The following ZPBP2 variants were observed in gnomAD, a reference collection of about 807,000 sequenced individuals.
The protein encoded by ZPBP2 is zona pellucida-binding protein 2.
A neutral mutation model predicts 37.5 loss-of-function variants in ZPBP2; 34 were observed. That is an observed-to-expected ratio of 0.91 (90% CI 0.69 to 1.21). The LOEUF is 1.21. Ranked by LOEUF, ZPBP2 falls within the 50% of genes most tolerant of loss-of-function variation. The probability of loss-of-function intolerance (pLI) is 0.00; values close to 1 mark genes in which losing one functional copy is unlikely to be tolerated. For synonymous variants in ZPBP2, 143 were observed against 138.4 expected (o/e 1.03, Z -0.23); for missense variants, 397 against 413.5 (o/e 0.96, Z 0.35).
Position 39,877,489 on chromosome 17 carries a change from G to T in ZPBP2, c.*680G>T, listed in dbSNP as rs964211402. 2 of 152,086 alleles carry T rather than the reference G, an allele frequency of 1.3e-5. No homozygotes were observed. The highest frequency in any genetic ancestry group is 2.4e-5 in the African/African-American group (1 of 41,400). The allele number at this position is 152,086 out of a possible 1,614,324, so 9.4% of individuals were successfully genotyped here. On this transcript the variant is annotated 3_prime_UTR_variant, in exon 8 of 8. Coordinates refer to ENST00000348931, the MANE Select transcript of ZPBP2 (RefSeq NM_199321.3). ...AGTTCACATTAAGATTCATTGTGTT[G>T]TAAGGTTATGTGGGTTTTGACAAAT...
At chr17:39,871,357 G>A (rs917973102) in intron 3 of ZPBP2, 107 bp from the exon 4 acceptor site, 2 of 668,780 alleles carry the variant, frequency 3.0e-6, no homozygotes, top group South Asian at 6.7e-5. Context: ...TTAAAGTTGA[G>A]ATAGTTCATT....
intron 5 of ZPBP2, 149 bp downstream of exon 5, chr17:39,872,637 A>G: frequency 1.7e-6 from 1 of 583,292 alleles, no homozygotes; most frequent in Non-Finnish European, 2.9e-6. Flanking sequence ...TAGCCTGTTT[A>G]TGGTTTTAAA....
At chr17:39,868,909 C>T (rs538577048) in intron 2 of ZPBP2, among the ~76,000 whole-genome samples, 2 of 152,274 alleles carry the variant, frequency 1.3e-5, no homozygotes, top group African/African-American at 4.8e-5. Context: ...ACGCGGGAAA[C>T]CCACGCAAAG....
rs146016252 is a variant in ZPBP2, at chr17:39,875,286, C to T, written c.741C>T (p.Ser247=). 6.2e-7 allele frequency: 1 copy of T among 1,611,062 alleles called. No homozygotes were observed. Among genetic ancestry groups the T allele is most frequent in the Non-Finnish European group, 8.5e-7 (1 of 1,179,108 alleles). The change falls in exon 7 of 8, where the codon AGC becomes AGT. Residue 247 remains serine, a synonymous_variant. Transcript: ENST00000348931. ...ARDRIEDFFR[S]QAYIFYHNFN... The stretch of plus-strand genomic sequence containing the variant: ...ATCGAATAGAAGACTTTTTTCGGAG[C>T]CAAGCATATATTTTCTACCATAACT...
rs1420082946 is a variant in ZPBP2, at chr17:39,871,456, C to G, written c.245-8C>G. The G allele has an allele frequency of 1.9e-6, 3 of 1,542,538 alleles. No homozygotes were observed. The East Asian group carries it at 6.9e-5, about 35-fold the overall frequency. ...TATGTTAAATAAGTAATTTACTATT[C>G]TGTTTAGGAAATAATAGAATAAATA... is the stretch of plus-strand genomic sequence containing the variant. On this transcript the variant is annotated splice_polypyrimidine_tract_variant and splice_region_variant and intron_variant, in intron 3 of 7. Transcript: ENST00000348931.
chr17:39,876,211 G>A (rs2063390072), intron 7 of ZPBP2, among the ~76,000 whole-genome samples: 2 of 151,944 alleles, frequency 1.3e-5, no homozygotes, highest in African/African-American at 2.4e-5. Flanking sequence ...GAGCCACTGC[G>A]CCCAGCCAAA....
Position 39,871,563 on chromosome 17 carries a change from C to T in ZPBP2, c.344C>T (p.Thr115Ile), listed in dbSNP as rs1017893539. ...TACACATGTACTCTTTCTTATAAGACTGTTAAAGCAGAAACTCAAGAAGAA... is the reference window on the plus strand; with the variant it reads ...TACACATGTACTCTTTCTTATAAGATTGTTAAAGCAGAAACTCAAGAAGAA... Reference protein sequence around the residue: ...GLYTCTLSYKTVKAETQEEKT... With the variant: ...GLYTCTLSYKIVKAETQEEKT... Residue 115 changes from threonine (T) to isoleucine (I), a missense_variant, in exon 4 of 8, where the codon ACT becomes ATT. Physicochemically the swap from Thr to Ile is moderately conservative, Grantham distance 89. Transcript: ENST00000348931. The T allele has an allele frequency of 4.4e-6, 7 of 1,603,486 alleles. No individual in the cohort carries two copies. The Middle Eastern group carries it at 5.0e-4, about 115-fold the overall frequency.
intron 7 of ZPBP2, 99 bp from the exon 8 acceptor site, chr17:39,876,583 A>G: frequency 7.2e-7 from 1 of 1,380,914 alleles, no homozygotes; most frequent in South Asian, 1.3e-5. Context: ...ATGGTATGAT[A>G]TTAAAGGCAG....
Position 39,868,218 on chromosome 17 carries a change from C to T in ZPBP2, c.-137C>T. 1.1e-6 allele frequency: 1 copy of T among 918,946 alleles called. No individual in the cohort carries two copies. The highest frequency in any genetic ancestry group is 1.6e-6 in the Non-Finnish European group (1 of 620,800). The allele number at this position is 918,946 out of a possible 1,614,324, so 56.9% of individuals were successfully genotyped here. ...CGTTCTCCTGCGCGTCCGCTCCCGC[C>T]GTTGCGACGGACGGGTAGGGGAGGC... On this transcript the variant is annotated 5_prime_UTR_variant, in exon 1 of 8. Coordinates refer to ENST00000348931, the MANE Select transcript of ZPBP2 (RefSeq NM_199321.3).
chr17:39,873,896 T>G (rs1272735470), intron 6 of ZPBP2, among the ~76,000 whole-genome samples: 1 of 152,170 alleles, frequency 6.6e-6, no homozygotes, highest in Non-Finnish European at 1.5e-5. Flanking sequence ...TGAGAAGCAC[T>G]TAGTTAAAAT....
chr17:39,872,046 CTTG>C (rs2063367175), intron 4 of ZPBP2, among the ~76,000 whole-genome samples: 1 of 152,060 alleles, frequency 6.6e-6, no homozygotes, highest in African/African-American at 2.4e-5. Flanking sequence ...AGCCATTTCT[CTTG>C]TTGTACCAAG....
At position 39,868,277 on chromosome 17, in the gene ZPBP2, G is replaced by C; in HGVS notation, c.-78G>C. 2.0e-6 allele frequency: 3 copies of C among 1,532,180 alleles called. No individual in the cohort carries two copies. Among genetic ancestry groups the C allele is most frequent in the Non-Finnish European group, 2.7e-6 (3 of 1,125,150 alleles). The allele number at this position is 1,532,180 out of a possible 1,614,324, so 94.9% of individuals were successfully genotyped here. A position where few individuals can be genotyped will look rare whatever the true frequency, so the allele number is the denominator to read the frequency against. On this transcript the variant is annotated 5_prime_UTR_variant, in exon 1 of 8. Coordinates refer to ENST00000348931, the MANE Select transcript of ZPBP2 (RefSeq NM_199321.3). ...CGTTCTGCTCCGCACTGTGGAGGAG[G>C]TGGGGAGGTGTTGGGCCAGGGCTGA... is the stretch of plus-strand genomic sequence containing the variant.
intron 5 of ZPBP2, 121 bp downstream of exon 5, chr17:39,872,609 A>C (rs1184426649): frequency 1.5e-6 from 1 of 679,416 alleles, no homozygotes. Context: ...GTTAAGCACT[A>C]AAGTATGTAG....
intron 4 of ZPBP2, 97 bp downstream of exon 4, chr17:39,871,722 A>G: frequency 1.0e-6 from 1 of 996,792 alleles, no homozygotes; most frequent in African/African-American, 1.7e-5. Flanking sequence ...GTAATAGGTG[A>G]CTGTCACCAA....
rs1328816740 is a variant in ZPBP2, at chr17:39,868,704, G to C, written c.118+90G>C. ...AGAGCTTCCTGGAGAGAAGGGGAAC[G>C]AGCCAGCGTTTATTGAGCATCTATT... On this transcript the variant is annotated intron_variant, in intron 2 of 7. Transcript: ENST00000348931. The C allele has an allele frequency of 6.2e-6, 9 of 1,461,762 alleles. No individual in the cohort carries two copies. In the African/African-American group the frequency reaches 1.3e-4, roughly 20 times the overall value. The allele number at this position is 1,461,762 out of a possible 1,614,324, so 90.5% of individuals were successfully genotyped here.
In ZPBP2 at chr17:39,872,201, ATTGT is replaced by A. The variant is rs149877300; in HGVS notation, c.407-65_407-62del. 1.2e-3 allele frequency: 1,522 copies of A among 1,236,546 alleles called. 14 individuals are homozygous for A. The African/African-American group carries it at 0.02, about 17-fold the overall frequency. 76.6% of individuals were successfully genotyped at this position (1,236,546 alleles called of 1,614,324 possible). A position where few individuals can be genotyped will look rare whatever the true frequency, so the allele number is the denominator to read the frequency against. On this transcript the variant is annotated intron_variant, in intron 4 of 7. Transcript: ENST00000348931. Reference sequence around the variant, plus strand: ...ATTTAGTATTACATAGTATTTGAAAATTGTTTGGTAGAGGAAATTAATGCTAGGT... The same window carrying A: ...ATTTAGTATTACATAGTATTTGAAAATTGGTAGAGGAAATTAATGCTAGGT...
intron 1 of ZPBP2, 39 bp downstream of exon 1, chr17:39,868,445 T>C: frequency 6.2e-7 from 1 of 1,611,844 alleles, no homozygotes; most frequent in Non-Finnish European, 8.5e-7. Context: ...CCTCTCCCTC[T>C]GCCCGAGCTT....
chr17:39,875,464 T>C (rs772611290), intron 7 of ZPBP2, 30 bp downstream of exon 7: 38 of 1,496,774 alleles, frequency 2.5e-5, no homozygotes, highest in Non-Finnish European at 3.3e-5. Flanking sequence ...ATCTAAACAT[T>C]TAGGTTATAG....
In ZPBP2 at chr17:39,868,328, G is replaced by T. The variant is rs761739149; in HGVS notation, c.-27G>T. ...GGTAGGAGGGAGTCTGTCCCTCGACGCCTCCTGCGACGCCAGCCCCTGAGC... is the reference window on the plus strand; with the variant it reads ...GGTAGGAGGGAGTCTGTCCCTCGACTCCTCCTGCGACGCCAGCCCCTGAGC... On this transcript the variant is annotated 5_prime_UTR_variant, in exon 1 of 8. Coordinates refer to ENST00000348931, the MANE Select transcript of ZPBP2 (RefSeq NM_199321.3). 258 of 1,605,086 alleles carry T rather than the reference G, an allele frequency of 1.6e-4. No individual in the cohort carries two copies. Among genetic ancestry groups the T allele is most frequent in the Non-Finnish European group, 2.0e-4 (235 of 1,179,458 alleles).
Sources: gnomAD v4.1 joint callset for allele counts (sites outside exome capture counted in the v4.1 genomes callset) on GRCh38, gnomAD v4.1.1 for gene constraint, MANE v1.5 for transcripts, NCBI Gene and HGNC (gene_info 2026-07-23, HGNC 2026-07-21) for gene names.